Variants in PDE8B observed in about 807,000 individuals in gnomAD.
The protein encoded by PDE8B is phosphodiesterase 8B, also known as high affinity cAMP-specific and IBMX-insensitive 3',5'-cyclic phosphodiesterase 8B.
Under a neutral mutation model 101.3 loss-of-function variants are expected in PDE8B, and 26 were observed. The ratio of observed to expected loss-of-function variants is 0.26; its 90% confidence interval spans 0.19 to 0.36. The LOEUF is 0.36. Among genes scored for constraint, PDE8B ranks in the 10% least tolerant of loss-of-function variants. The probability of loss-of-function intolerance (pLI) is 1.00; values close to 1 mark genes in which losing one functional copy is unlikely to be tolerated. For synonymous variants in PDE8B, 424 were observed against 429.3 expected (o/e 0.99, Z 0.15); for missense variants, 810 against 1,163.1 (o/e 0.70, Z 4.42).
intron 2 of PDE8B, among the ~76,000 whole-genome samples, chr5:77,321,315 C>T (rs993039811): frequency 9.2e-5 from 14 of 151,966 alleles, no homozygotes; most frequent in African/African-American, 3.4e-4. Flanking sequence ...CCACGCCTGG[C>T]TAATTTTGTA....
chr5:77,233,138 G>A (rs898690141), intron 1 of PDE8B, among the ~76,000 whole-genome samples: 2 of 151,860 alleles, frequency 1.3e-5, no homozygotes, highest in Non-Finnish European at 2.9e-5. Flanking sequence ...AGAGGAAGGC[G>A]CTGCACACCC....
intron 10 of PDE8B, among the ~76,000 whole-genome samples, chr5:77,363,196 G>C (rs1304656031): frequency 6.6e-6 from 1 of 152,186 alleles, no homozygotes; most frequent in Non-Finnish European, 1.5e-5. Flanking sequence ...TACAGATGAG[G>C]AAACTGAGGC....
intron 14 of PDE8B, chr5:77,410,293 C>A (rs1794294221): frequency 6.6e-6 from 1 of 152,268 alleles, no homozygotes; most frequent in Admixed American, 6.5e-5. Flanking sequence ...ATCTTTATAC[C>A]TACTTTTCAT....
At chr5:77,131,699 G>A in the PDE8B span, among the ~76,000 whole-genome samples, 333 of 152,262 alleles carry the variant, frequency 2.2e-3, no homozygotes, top group African/African-American at 7.5e-3. Context: ...ACAAAATTGT[G>A]CGTTTATTTA....
At chr5:77,128,677 C>T in the PDE8B span, among the ~76,000 whole-genome samples, 7 of 152,344 alleles carry the variant, frequency 4.6e-5, no homozygotes, top group East Asian at 1.4e-3. Context: ...TTCTGGTCCC[C>T]TGGAGGCCCT....
chr5:77,334,024 A>G (rs950792900), intron 5 of PDE8B, among the ~76,000 whole-genome samples: 5 of 152,220 alleles, frequency 3.3e-5, no homozygotes, highest in Non-Finnish European at 7.3e-5. Context: ...CACCTACAAC[A>G]GCTCTCCTGG....
intron 10 of PDE8B, among the ~76,000 whole-genome samples, chr5:77,360,599 G>A (rs1450850080): frequency 6.6e-6 from 1 of 152,240 alleles, no homozygotes; most frequent in Non-Finnish European, 1.5e-5. Flanking sequence ...ACTTGGCCCA[G>A]TGGAAGATAC....
intron 14 of PDE8B, chr5:77,410,917 T>G (rs891352297): frequency 1.3e-5 from 2 of 152,424 alleles, no homozygotes; most frequent in African/African-American, 4.8e-5. Flanking sequence ...TGTATACATG[T>G]GCCATGTTGG....
chr5:77,356,005 G>A (rs1439971607), intron 10 of PDE8B, among the ~76,000 whole-genome samples: 1 of 152,212 alleles, frequency 6.6e-6, no homozygotes, highest in Non-Finnish European at 1.5e-5. Flanking sequence ...GCAGAGCTGA[G>A]GCCATGTGGC....
chr5:77,210,036 T>C (rs980199085), upstream of PDE8B, among the ~76,000 whole-genome samples: 83 of 152,156 alleles, frequency 5.5e-4, no homozygotes, highest in African/African-American at 2.0e-3. This position sits in a 1 kb window ranked among gnomAD's most constrained non-coding sequence, Gnocchi z 4.9. Context: ...GGTCTCTCCA[T>C]CACTTCCCGG....
the PDE8B span, chr5:77,112,915 C>T: frequency 1.3e-5 from 2 of 152,162 alleles, no homozygotes; most frequent in Non-Finnish European, 2.9e-5. Context: ...CTCCCATTCA[C>T]GATTGCTTCA....
chr5:77,393,548 A>G (rs1237289481), intron 10 of PDE8B, among the ~76,000 whole-genome samples: 2 of 152,182 alleles, frequency 1.3e-5, no homozygotes, highest in Non-Finnish European at 2.9e-5. Flanking sequence ...AAATTACAGG[A>G]CCAATTTATT....
At chr5:77,189,088 C>G in the PDE8B span, among the ~76,000 whole-genome samples, 1 of 152,188 alleles carries the variant, frequency 6.6e-6, no homozygotes, top group East Asian at 1.9e-4. Flanking sequence ...CTACAGCAAG[C>G]ACTGCTGTCA....
chr5:77,300,666 A>G (rs1769719834), intron 1 of PDE8B, among the ~76,000 whole-genome samples: 2 of 152,202 alleles, frequency 1.3e-5, no homozygotes, highest in African/African-American at 4.8e-5. Context: ...ATTGTCTTCC[A>G]TGTGTGTTAG....
the PDE8B span, among the ~76,000 whole-genome samples, chr5:77,136,653 G>C: frequency 6.6e-6 from 1 of 152,190 alleles, no homozygotes; most frequent in South Asian, 2.1e-4. Flanking sequence ...GAGAAACTCA[G>C]ATGTCAATAT....
chr5:77,331,521 T>C lies in PDE8B; in HGVS notation c.708+62T>C, dbSNP rs751627694. The C allele has an allele frequency of 2.5e-5, 32 of 1,296,606 alleles. No individual in the cohort carries two copies. In the East Asian group the frequency reaches 5.8e-4, roughly 23 times the overall value. 80.3% of individuals were successfully genotyped at this position (1,296,606 alleles called of 1,614,324 possible). ...GGCACCTTAACCCCTAACTCTCCCA[T>C]AACAGGGAAGCAAAGCTGCCACGGA... On this transcript the variant is annotated intron_variant, in intron 5 of 21. Transcript: ENST00000264917.
intron 1 of PDE8B, among the ~76,000 whole-genome samples, chr5:77,229,985 C>T (rs1403653222): frequency 2.6e-5 from 4 of 152,122 alleles, no homozygotes; most frequent in African/African-American, 4.8e-5. Context: ...TGTATGGTAA[C>T]TATGTGTTTA....
At chr5:77,090,706 G>T in the PDE8B span, among the ~76,000 whole-genome samples, 358 of 152,258 alleles carry the variant, frequency 2.4e-3, 1 homozygote, top group Non-Finnish European at 3.7e-3. Flanking sequence ...CATCCATGTT[G>T]TTGCAAATGG....
At chr5:77,186,556 T>G in the PDE8B span, among the ~76,000 whole-genome samples, 2 of 152,182 alleles carry the variant, frequency 1.3e-5, no homozygotes, top group African/African-American at 2.4e-5. Context: ...TACCTTCTCA[T>G]GCCATCTTTT....
Sources: gnomAD v4.1 joint callset for allele counts (sites outside exome capture counted in the v4.1 genomes callset) on GRCh38, gnomAD v4.1.1 for gene constraint, Gnocchi (gnomAD v3.1) non-coding constraint, MANE v1.5 for transcripts, NCBI Gene and HGNC (gene_info 2026-07-23, HGNC 2026-07-21) for gene names.